BBX: variants seen among roughly 807,000 people sequenced by gnomAD.
BBX encodes the protein HMG box transcription factor BBX.
BBX carries 30 observed loss-of-function variants against 100.2 expected under a neutral mutation model. The observed-to-expected ratio is 0.30, with a 90% CI of 0.22 to 0.41. The LOEUF (loss-of-function observed/expected upper bound fraction) is 0.41, where lower values mean the gene tolerates loss of function less well. BBX is among the 10% of genes least tolerant of loss of function. The pLI is 1.00. For missense variants in BBX, 1,023 were observed against 1,129.8 expected, an observed-to-expected ratio of 0.91 and a Z score of 1.35; for synonymous variants, 376 against 388.1, an observed-to-expected ratio of 0.97 and a Z score of 0.37.
intron 10 of BBX, among the ~76,000 whole-genome samples, chr3:107,765,473 G>GTA (rs748664734): frequency 5.1e-4 from 77 of 152,064 alleles, no homozygotes; most frequent in Middle Eastern, 3.4e-3. Flanking sequence ...GTGTGTGTGT[G>GTA]TATGTGTGTT....
At chr3:107,652,992 G>T (rs1262327468) in intron 3 of BBX, among the ~76,000 whole-genome samples, 1 of 152,124 alleles carries the variant, frequency 6.6e-6, no homozygotes, top group African/African-American at 2.4e-5. Flanking sequence ...CTGGTACATA[G>T]AAGTTGCTCA....
At chr3:107,704,916 G>A (rs971424959) in intron 3 of BBX, among the ~76,000 whole-genome samples, 1 of 152,170 alleles carries the variant, frequency 6.6e-6, no homozygotes, top group African/African-American at 2.4e-5. Context: ...TTTGACCCGG[G>A]TCTTGGAGGA....
In BBX at chr3:107,809,335, C is replaced by G. The variant is rs2071200794; in HGVS notation, c.*3878C>G. Reference sequence around the variant, plus strand: ...GAATCGTAAATGTTCTGAAGACGAGCAGCTGGAGGCTGGAGGATGGCATTC... The same window carrying G: ...GAATCGTAAATGTTCTGAAGACGAGGAGCTGGAGGCTGGAGGATGGCATTC... On this transcript the variant is annotated 3_prime_UTR_variant, in exon 18 of 18. Transcript: ENST00000325805. The G allele has an allele frequency of 6.6e-6, 1 of 152,202 alleles. No individual in the cohort carries two copies. Among genetic ancestry groups the G allele is most frequent in the Admixed American group, 6.5e-5 (1 of 15,274 alleles). The allele number at this position is 152,202 out of a possible 1,614,324, so 9.4% of individuals were successfully genotyped here. A position where few individuals can be genotyped will look rare whatever the true frequency, so the allele number is the denominator to read the frequency against.
At chr3:107,701,394 T>G (rs922536565) in intron 3 of BBX, among the ~76,000 whole-genome samples, 1 of 152,228 alleles carries the variant, frequency 6.6e-6, no homozygotes, top group Non-Finnish European at 1.5e-5. Context: ...TTAAGGTATA[T>G]TCATTGTAGG....
intron 2 of BBX, among the ~76,000 whole-genome samples, chr3:107,639,028 A>T (rs1439004411): frequency 6.6e-6 from 1 of 152,106 alleles, no homozygotes; most frequent in Non-Finnish European, 1.5e-5. Context: ...TGATCATAAT[A>T]TGCTGTTAAG....
At position 107,744,677 on chromosome 3, in the gene BBX, A is replaced by G; in HGVS notation, c.717A>G (p.Leu239=). ...CTGATGTTTCAGAATCTCCTGAATT[A>G]CGTCAGAAGTCACCATTGTTTCAGT... is the stretch of plus-strand genomic sequence containing the variant. ...CRPDVSESPE[L]RQKSPLFQFA... Residue 239 remains leucine, a synonymous_variant, in exon 8 of 18, where the codon TTA becomes TTG. Transcript: ENST00000325805. The G allele has an allele frequency of 6.2e-7, 1 of 1,613,362 alleles. No homozygotes were observed. The highest frequency in any genetic ancestry group is 1.1e-5 in the South Asian group (1 of 91,054).
intron 3 of BBX, among the ~76,000 whole-genome samples, chr3:107,648,029 A>G (rs1396374802): frequency 6.6e-6 from 1 of 152,182 alleles, no homozygotes; most frequent in East Asian, 1.9e-4. Context: ...TGGCCTTGTA[A>G]GAGGGGATAG....
chr3:107,745,543 C>T (rs1467459848), intron 8 of BBX, among the ~76,000 whole-genome samples: 1 of 152,038 alleles, frequency 6.6e-6, no homozygotes, highest in East Asian at 1.9e-4. Context: ...CTCATTGTAA[C>T]CTGAAACTCC....
At chr3:107,644,245 T>C (rs1277940528) in intron 2 of BBX, among the ~76,000 whole-genome samples, 2 of 152,126 alleles carry the variant, frequency 1.3e-5, no homozygotes, top group African/African-American at 4.8e-5. Flanking sequence ...ATTTTATTTC[T>C]CAGATAGCAT....
At position 107,726,520 on chromosome 3, in the gene BBX, C is replaced by T. The variant is rs548209712; in HGVS notation, c.406-2245C>T. Among the ~76,000 whole-genome samples, 37 of 152,112 alleles carry T rather than the reference C, an allele frequency of 2.4e-4. 2 individuals are homozygous for T. The South Asian group carries it at 5.2e-3, about 21-fold the overall frequency. Reference sequence around the variant, plus strand: ...CATCTACATTGAGTTTAAGAATCTGCAAGAATAATATTGTGATACAGTTAC... The same window carrying T: ...CATCTACATTGAGTTTAAGAATCTGTAAGAATAATATTGTGATACAGTTAC... On this transcript the variant is annotated intron_variant, in intron 5 of 17. Transcript: ENST00000325805.
At chr3:107,534,091 T>C (rs1188438108) in intron 2 of BBX, among the ~76,000 whole-genome samples, 1 of 152,200 alleles carries the variant, frequency 6.6e-6, no homozygotes, top group East Asian at 1.9e-4. Context: ...TGGTAAGACT[T>C]AAGTCAGTCT....
chr3:107,803,415 A>T (rs765716301), intron 17 of BBX, among the ~76,000 whole-genome samples: 1 of 152,172 alleles, frequency 6.6e-6, no homozygotes, highest in South Asian at 2.1e-4. Context: ...TTGCATACCA[A>T]TGAAGTAAGC....
chr3:107,724,556 CTT>C (rs930627626), intron 5 of BBX, among the ~76,000 whole-genome samples: 3 of 152,286 alleles, frequency 2.0e-5, no homozygotes, highest in African/African-American at 7.2e-5. Flanking sequence ...ACATGTAAGT[CTT>C]TAATCCATCT....
At chr3:107,723,150 A>G (rs1202374583) in intron 5 of BBX, among the ~76,000 whole-genome samples, 1 of 151,994 alleles carries the variant, frequency 6.6e-6, no homozygotes, top group Non-Finnish European at 1.5e-5. Context: ...TTATACAGAC[A>G]TTCTCTGGGT....
At chr3:107,612,954 C>T (rs2054954631) in intron 2 of BBX, among the ~76,000 whole-genome samples, 2 of 152,132 alleles carry the variant, frequency 1.3e-5, no homozygotes, top group African/African-American at 4.8e-5. Context: ...GGCACTGAAA[C>T]CACAAGACAA....
intron 3 of BBX, among the ~76,000 whole-genome samples, chr3:107,685,815 T>A (rs957368100): frequency 2.0e-5 from 3 of 152,218 alleles, no homozygotes; most frequent in African/African-American, 7.2e-5. Flanking sequence ...AACCACAAGG[T>A]TTTTTGTTGG....
intron 8 of BBX, 35 bp downstream of exon 8, chr3:107,744,745 A>G (rs1450546728): frequency 6.4e-7 from 1 of 1,550,470 alleles, no homozygotes; most frequent in Non-Finnish European, 8.9e-7. Flanking sequence ...ACTAATGAGG[A>G]AATTGTAAAG....
chr3:107,719,107 A>G (rs2062333603), intron 5 of BBX, among the ~76,000 whole-genome samples: 1 of 152,052 alleles, frequency 6.6e-6, no homozygotes, highest in African/African-American at 2.4e-5. Context: ...CAATTTAACC[A>G]GGTTTTGTGA....
intron 2 of BBX, chr3:107,641,901 T>G (rs562065902): frequency 6.6e-6 from 1 of 152,342 alleles, no homozygotes; most frequent in African/African-American, 2.4e-5. Context: ...ATTCATAGTT[T>G]ATGTTGCCAC....
Sources: gnomAD v4.1 joint callset for allele counts (sites outside exome capture counted in the v4.1 genomes callset) on GRCh38, gnomAD v4.1.1 for gene constraint, MANE v1.5 for transcripts, NCBI Gene and HGNC (gene_info 2026-07-23, HGNC 2026-07-21) for gene names.